ADAP2: variants seen among roughly 807,000 people sequenced by gnomAD.
ADAP2 encodes the protein ArfGAP with dual PH domains 2, also known as arf-GAP with dual PH domain-containing protein 2.
ADAP2 carries 42 observed loss-of-function variants against 54.9 expected under a neutral mutation model. The observed-to-expected ratio is 0.77, with a 90% confidence interval of 0.60 to 0.99. The LOEUF (loss-of-function observed/expected upper bound fraction) is 0.99, where lower values mean the gene tolerates loss of function less well. Among genes scored for constraint, ADAP2 ranks in the 50% least tolerant of loss-of-function variants. ADAP2 has a pLI of 0.00. For missense variants in ADAP2, 429 were observed against 480.4 expected, an observed-to-expected ratio of 0.89 and a Z score of 1.00; for synonymous variants, 177 against 180.1, an observed-to-expected ratio of 0.98 and a Z score of 0.14.
At position 30,951,654 on chromosome 17, in the gene ADAP2, CTT is replaced by C. The variant is rs1053982493; in HGVS notation, c.742-1616_742-1615del. Reference sequence around the variant, plus strand: ...TCTGACCAATATTTTCTTTTCTTTTCTTTTTTTTTTTTTTTTTTTGAGACAGA... The same window carrying C: ...TCTGACCAATATTTTCTTTTCTTTTCTTTTTTTTTTTTTTTTTGAGACAGA... On this transcript the variant is annotated intron_variant, in intron 7 of 10. Coordinates refer to ENST00000330889, the MANE Select transcript of ADAP2 (RefSeq NM_018404.3). Among the ~76,000 whole-genome samples, 776 of 120,984 alleles carry C rather than the reference CTT, an allele frequency of 6.4e-3. 7 individuals are homozygous for C. The highest frequency in any genetic ancestry group is 0.024 in the African/African-American group (734 of 30,212). The allele number at this position is 120,984 out of a possible 152,430, so 79.4% of individuals were successfully genotyped here.
At chr17:30,939,937 C>T (rs1490971764) in intron 5 of ADAP2, among the ~76,000 whole-genome samples, 1 of 152,096 alleles carries the variant, frequency 6.6e-6, no homozygotes, top group African/African-American at 2.4e-5. Context: ...TTAACCATGC[C>T]AATGCAGTCT....
At chr17:30,926,513 G>C (rs1248997963) in intron 2 of ADAP2, among the ~76,000 whole-genome samples, 2 of 152,152 alleles carry the variant, frequency 1.3e-5, no homozygotes, top group African/African-American at 4.8e-5. Context: ...GTGTTTCCTT[G>C]AACAAGTAAC....
At chr17:30,951,789 G>A (rs1904665049) in intron 7 of ADAP2, among the ~76,000 whole-genome samples, 2 of 151,576 alleles carry the variant, frequency 1.3e-5, no homozygotes, top group South Asian at 4.1e-4. Flanking sequence ...CCGAGTAGCT[G>A]GGACTACAGG....
At chr17:30,934,724 T>C (rs1249105623) in intron 5 of ADAP2, among the ~76,000 whole-genome samples, 2 of 152,148 alleles carry the variant, frequency 1.3e-5, no homozygotes, top group Non-Finnish European at 1.5e-5. Context: ...CAGGAGGCAA[T>C]AGTTTTATAA....
chr17:30,956,392 G>GTGAGAAGGAA lies in ADAP2; in HGVS notation c.1035_1044dup (p.Gln349Ter), dbSNP rs746277026. ...CGGAGATTTGTCCTCACTTGCCCCA[G>GTGAGAAGGAA]TGAGAAGGAACAGCAGGAATGGCTG... On this transcript the variant is annotated frameshift_variant, in exon 10 of 11. Transcript: ENST00000330889. LOFTEE classifies it high-confidence loss of function. 1 of 1,614,228 alleles carries GTGAGAAGGAA rather than the reference G, an allele frequency of 6.2e-7. No individual in the cohort carries two copies. Among genetic ancestry groups the GTGAGAAGGAA allele is most frequent in the Non-Finnish European group, 8.5e-7 (1 of 1,180,032 alleles).
Position 30,922,081 on chromosome 17 carries a change from G to A in ADAP2, c.67G>A (p.Ala23Thr). 2 of 1,256,336 alleles carry A rather than the reference G, an allele frequency of 1.6e-6. No individual in the cohort carries two copies. The highest frequency in any genetic ancestry group is 2.8e-4 in the Middle Eastern group (1 of 3,578). The allele number at this position is 1,256,336 out of a possible 1,614,324, so 77.8% of individuals were successfully genotyped here. The change falls in exon 1 of 11, where the codon GCG (alanine) becomes ACG (threonine). Residue 23 changes from alanine (A) to threonine (T), a missense_variant. Coordinates refer to ENST00000330889, the MANE Select transcript of ADAP2 (RefSeq NM_018404.3). ...ELLRAPDTGN[A>T]HCADCGAADP... ...GCTGCGGGCGCCGGACACAGGCAAC[G>A]CGCACTGCGCCGACTGCGGGGCGGC...
At chr17:30,956,585 C>G (rs2232281) in intron 10 of ADAP2, 116 bp downstream of exon 10, 106,455 of 944,218 alleles carry the variant, frequency 0.11, 6,929 homozygotes, top group Non-Finnish European at 0.14. Flanking sequence ...TGACTATGCT[C>G]TTTTCATTGT....
chr17:30,943,784 T>C (rs1912445321), intron 5 of ADAP2, among the ~76,000 whole-genome samples: 1 of 151,284 alleles, frequency 6.6e-6, no homozygotes, highest in Non-Finnish European at 1.5e-5. Flanking sequence ...GAGGCAGAGG[T>C]TGCAGTGACC....
At chr17:30,938,159 G>A (rs1486866332) in intron 5 of ADAP2, among the ~76,000 whole-genome samples, 2 of 152,208 alleles carry the variant, frequency 1.3e-5, no homozygotes, top group African/African-American at 4.8e-5. Context: ...ACAATCCTAT[G>A]GGTCAGGAAT....
chr17:30,924,592 G>T (rs1479793551), intron 2 of ADAP2, among the ~76,000 whole-genome samples: 1 of 152,136 alleles, frequency 6.6e-6, no homozygotes, highest in Non-Finnish European at 1.5e-5. Flanking sequence ...GTGCGGGTTG[G>T]CTGAGGGTTT....
intron 5 of ADAP2, among the ~76,000 whole-genome samples, chr17:30,935,132 C>G (rs1433119356): frequency 6.6e-6 from 1 of 152,006 alleles, no homozygotes; most frequent in East Asian, 1.9e-4. Context: ...TTTGGGAGGC[C>G]AAGGCAGGTG....
chr17:30,931,997 T>G lies in ADAP2; in HGVS notation c.397+29T>G, dbSNP rs759366444. ...AAGTTATTTCCATCACCTTTTGAAATCTATGTTTTAATGAGCTCTAGAAAA... is the reference window on the plus strand; with the variant it reads ...AAGTTATTTCCATCACCTTTTGAAAGCTATGTTTTAATGAGCTCTAGAAAA... On this transcript the variant is annotated intron_variant, in intron 4 of 10. Transcript: ENST00000330889. 3.1e-6 allele frequency: 5 copies of G among 1,603,606 alleles called. No individual in the cohort carries two copies. In the South Asian group the frequency reaches 5.5e-5, roughly 18 times the overall value.
chr17:30,937,316 G>A (rs994441292), intron 5 of ADAP2, among the ~76,000 whole-genome samples: 1 of 150,784 alleles, frequency 6.6e-6, no homozygotes, highest in African/African-American at 2.4e-5. Flanking sequence ...CCACCTCCCG[G>A]GTTCAAGTGA....
intron 5 of ADAP2, among the ~76,000 whole-genome samples, chr17:30,943,242 GTAATCCCA>G (rs1555568168): frequency 6.6e-6 from 1 of 152,050 alleles, no homozygotes. Flanking sequence ...GCGTATCCCT[GTAATCCCA>G]GCAACTTGGG....
chr17:30,957,854 C>T lies in ADAP2; in HGVS notation c.1131C>T (p.Gly377=). The stretch of plus-strand genomic sequence containing the variant: ...TTGCAGCTGCATCAACAGAGAGTGG[C>T]CGCAGCAGCAGGTGACCCATTAACT... ...LNRLTASTES[G]RSSR The change falls in exon 11 of 11, where the codon GGC becomes GGT. Residue 377 remains glycine (G), a synonymous_variant. Coordinates refer to ENST00000330889, the MANE Select transcript of ADAP2 (RefSeq NM_018404.3). 6.2e-7 allele frequency: 1 copy of T among 1,613,396 alleles called. No homozygotes were observed. The highest frequency in any genetic ancestry group is 1.1e-5 in the South Asian group (1 of 90,884).
chr17:30,932,790 G>A (rs1158227850), intron 4 of ADAP2, among the ~76,000 whole-genome samples: 2 of 151,306 alleles, frequency 1.3e-5, no homozygotes, highest in African/African-American at 4.9e-5. Flanking sequence ...GGCTGGTCTC[G>A]AACTCCTGAC....
In ADAP2 at chr17:30,945,055, T is replaced by G. The variant is rs1285124239; in HGVS notation, c.657+2T>G. The G allele has an allele frequency of 3.1e-6, 5 of 1,613,266 alleles. No homozygotes were observed. The Admixed American group carries it at 6.7e-5, about 22-fold the overall frequency. On this transcript the variant is annotated splice_donor_variant, in intron 6 of 10. Transcript: ENST00000330889. LOFTEE classifies it high-confidence loss of function. ...TTTGTGTATCATGAAAGTGGGAAGG[T>G]GAGATGCCTGGAGTTGCCACCTCCG...
Position 30,956,353 on chromosome 17 carries a change from T to C in ADAP2, c.995T>C (p.Ile332Thr). The change falls in exon 10 of 11, where the codon ATT (isoleucine) becomes ACT (threonine). Residue 332 changes from isoleucine to threonine, a missense_variant. Transcript: ENST00000330889. Reference protein sequence around the residue: ...RGNRWKAGLTIVTPERRFVLT... With the variant: ...RGNRWKAGLTTVTPERRFVLT... ...AATCGCTGGAAAGCCGGACTCACCA[T>C]TGTCACCCCAGAGCGGAGATTTGTC... 1 of 1,614,186 alleles carries C rather than the reference T, an allele frequency of 6.2e-7. No homozygotes were observed. Among genetic ancestry groups the C allele is most frequent in the Non-Finnish European group, 8.5e-7 (1 of 1,180,018 alleles).
intron 6 of ADAP2, among the ~76,000 whole-genome samples, chr17:30,946,190 C>T (rs1472618800): frequency 2.0e-5 from 3 of 151,828 alleles, no homozygotes; most frequent in East Asian, 1.9e-4. Flanking sequence ...TGCATTGTAA[C>T]GGGATCCCAG....
Sources: allele counts gnomAD v4.1 joint callset (sites outside exome capture counted in the v4.1 genomes callset), GRCh38; gene constraint gnomAD v4.1.1; transcripts MANE v1.5; gene names NCBI Gene and HGNC (gene_info 2026-07-23, HGNC 2026-07-21).